The following PITPNC1 variants were observed in gnomAD, a reference collection of about 807,000 sequenced individuals.
The protein encoded by PITPNC1 is cytoplasmic phosphatidylinositol transfer protein 1.
Under a neutral mutation model 44.7 loss-of-function variants are expected in PITPNC1, and 18 were observed. That is an observed-to-expected ratio of 0.40 (90% CI 0.28 to 0.60). The LOEUF (loss-of-function observed/expected upper bound fraction) is 0.60, where lower values mean the gene tolerates loss of function less well. PITPNC1 is among the 20% of genes least tolerant of loss of function. The probability of loss-of-function intolerance (pLI) is 0.39; values close to 1 mark genes in which losing one functional copy is unlikely to be tolerated. For missense variants in PITPNC1, 290 were observed against 418.4 expected, an observed-to-expected ratio of 0.69 and a Z score of 2.68; for synonymous variants, 141 against 149.6, an observed-to-expected ratio of 0.94 and a Z score of 0.42.
At chr17:67,378,263 C>T in intron 1 of PITPNC1, 61 bp downstream of exon 1, 2 of 1,176,096 alleles carry the variant, frequency 1.7e-6, no homozygotes, top group East Asian at 3.2e-5. Flanking sequence ...ACCGCCGCCT[C>T]CTGGCCGGCG....
intron 1 of PITPNC1, among the ~76,000 whole-genome samples, chr17:67,425,440 TCTCTTTCTCTCA>T (rs1457934546): frequency 1.3e-5 from 2 of 151,404 alleles, no homozygotes; most frequent in African/African-American, 4.9e-5. Flanking sequence ...TCTTTTCCTC[TCTCTTTCTCTCA>T]CTCTTTCTCT....
intron 1 of PITPNC1, among the ~76,000 whole-genome samples, chr17:67,454,820 CTT>C (rs35832239): frequency 7.9e-4 from 101 of 127,868 alleles, no homozygotes; most frequent in Non-Finnish European, 7.9e-4. Context: ...TTTTATTTTC[CTT>C]TTTTTTTTTT....
intron 4 of PITPNC1, among the ~76,000 whole-genome samples, chr17:67,557,592 C>T (rs1377021844): frequency 1.3e-5 from 2 of 152,092 alleles, no homozygotes; most frequent in Non-Finnish European, 2.9e-5. Context: ...CAAGGGGATC[C>T]GGATTTTTCT....
At chr17:67,385,510 C>G (rs1334612116) in intron 1 of PITPNC1, among the ~76,000 whole-genome samples, 2 of 145,162 alleles carry the variant, frequency 1.4e-5, no homozygotes, top group Non-Finnish European at 3.0e-5. Context: ...AGGCACCTTC[C>G]AGGCTGTGGA....
Position 67,409,071 on chromosome 17 carries a change from C to CTTTTTTTTTT in PITPNC1, c.48+30884_48+30893dup, listed in dbSNP as rs1159310735. 2.0e-4 allele frequency among the ~76,000 whole-genome samples: 16 copies of CTTTTTTTTTT among 80,522 alleles called. 1 individual carries two copies. The highest frequency in any genetic ancestry group is 3.4e-4 in the East Asian group (1 of 2,968). The allele number at this position is 80,522 out of a possible 152,430, so 52.8% of individuals were successfully genotyped here. On this transcript the variant is annotated intron_variant, in intron 1 of 8. Coordinates refer to ENST00000581322, the MANE Select transcript of PITPNC1 (RefSeq NM_012417.4). ...TGTGGGGTAGGGGTCCAAATTCATTCTTTTTTTTTTTTTTTTTTTTTTTTG... is the reference window on the plus strand; with the variant it reads ...TGTGGGGTAGGGGTCCAAATTCATTCTTTTTTTTTTTTTTTTTTTTTTTTTTTTTTTTTTG...
At chr17:67,380,867 G>C (rs1414080637) in intron 1 of PITPNC1, among the ~76,000 whole-genome samples, 1 of 151,892 alleles carries the variant, frequency 6.6e-6, no homozygotes, top group African/African-American at 2.4e-5. Context: ...TCCATCTCCT[G>C]GGCTCAAGTG....
chr17:67,389,553 A>G (rs1259026285), intron 1 of PITPNC1, among the ~76,000 whole-genome samples: 4 of 152,186 alleles, frequency 2.6e-5, no homozygotes, highest in Admixed American at 2.6e-4. Flanking sequence ...AGGACACTGG[A>G]GAGGTTTTAT....
chr17:67,514,544 G>C (rs2040233378), intron 1 of PITPNC1, among the ~76,000 whole-genome samples: 7 of 151,552 alleles, frequency 4.6e-5, no homozygotes, highest in Admixed American at 4.6e-4. Context: ...GTCAAGGGAA[G>C]CCGGGTGCGG....
At chr17:67,399,289 A>T (rs886532279) in intron 1 of PITPNC1, among the ~76,000 whole-genome samples, 1 of 152,106 alleles carries the variant, frequency 6.6e-6, no homozygotes, top group Non-Finnish European at 1.5e-5. Context: ...CTGGGATTAC[A>T]GGCGTGAGCC....
At position 67,377,534 on chromosome 17, in the gene PITPNC1, C is replaced by T. The variant is rs563022443; in HGVS notation, c.-621C>T. ...CGGCGGCTTCCCTTTTCTCCCCGAG[C>T]CGAGCCCCGGAGCGGCGCGGGGACC... On this transcript the variant is annotated 5_prime_UTR_variant, in exon 1 of 9. Coordinates refer to ENST00000581322, the MANE Select transcript of PITPNC1 (RefSeq NM_012417.4). The T allele has an allele frequency of 2.7e-3, 410 of 153,920 alleles. 4 individuals are homozygous for T. The highest frequency in any genetic ancestry group is 0.01 in the Middle Eastern group (3 of 300). The allele number at this position is 153,920 out of a possible 1,614,324, so 9.5% of individuals were successfully genotyped here.
chr17:67,456,479 T>C (rs557990505), intron 1 of PITPNC1, among the ~76,000 whole-genome samples: 52 of 152,266 alleles, frequency 3.4e-4, no homozygotes, highest in Admixed American at 2.2e-3. Flanking sequence ...CTATTTCCCA[T>C]ACTTTTTCTG....
chr17:67,386,027 T>A (rs1249133575), intron 1 of PITPNC1, among the ~76,000 whole-genome samples: 2 of 152,174 alleles, frequency 1.3e-5, no homozygotes, highest in African/African-American at 4.8e-5. Context: ...TATTGTGATA[T>A]GGAGGAAGTT....
intron 4 of PITPNC1, among the ~76,000 whole-genome samples, chr17:67,577,069 G>A (rs1464729118): frequency 1.3e-5 from 2 of 151,406 alleles, no homozygotes; most frequent in Non-Finnish European, 2.9e-5. Flanking sequence ...ATCGCATAAG[G>A]CCGGGAATTT....
intron 8 of PITPNC1, among the ~76,000 whole-genome samples, chr17:67,682,432 C>A (rs767684821): frequency 6.6e-6 from 1 of 152,064 alleles, no homozygotes; most frequent in Non-Finnish European, 1.5e-5. Flanking sequence ...CAGAGGAGAA[C>A]GTTCTACTCA....
At chr17:67,381,285 G>A (rs1300547472) in intron 1 of PITPNC1, among the ~76,000 whole-genome samples, 2 of 132,958 alleles carry the variant, frequency 1.5e-5, no homozygotes, top group Admixed American at 8.3e-5. Flanking sequence ...CTGAGATCAC[G>A]CCACTGCACT....
chr17:67,476,562 C>A (rs774643104), intron 1 of PITPNC1, among the ~76,000 whole-genome samples: 7 of 152,114 alleles, frequency 4.6e-5, no homozygotes, highest in Admixed American at 1.3e-4. Flanking sequence ...GGGTTCTTAA[C>A]TCTGGATGCA....
chr17:67,460,442 G>A (rs897533273), intron 1 of PITPNC1, among the ~76,000 whole-genome samples: 1 of 144,986 alleles, frequency 6.9e-6, no homozygotes, highest in Non-Finnish European at 1.5e-5. Context: ...TTTTTTTTTT[G>A]AAACAGAGTC....
At chr17:67,470,537 T>C (rs1387276148) in intron 1 of PITPNC1, among the ~76,000 whole-genome samples, 1 of 152,178 alleles carries the variant, frequency 6.6e-6, no homozygotes, top group Non-Finnish European at 1.5e-5. Context: ...CAACACAATG[T>C]TTTTGAAATT....
chr17:67,473,864 TC>T (rs2039587334), intron 1 of PITPNC1, among the ~76,000 whole-genome samples: 1 of 152,222 alleles, frequency 6.6e-6, no homozygotes, highest in Non-Finnish European at 1.5e-5. Flanking sequence ...ACTGTAATGT[TC>T]TCCTGGTGAT....
Sources: gnomAD v4.1 joint callset for allele counts (sites outside exome capture counted in the v4.1 genomes callset) on GRCh38, gnomAD v4.1.1 for gene constraint, MANE v1.5 for transcripts, NCBI Gene and HGNC (gene_info 2026-07-23, HGNC 2026-07-21) for gene names.